CNTNAP2: variants seen among roughly 807,000 people sequenced by gnomAD.
The protein encoded by CNTNAP2 is contactin associated protein 2, also known as contactin-associated protein-like 2.
CNTNAP2 carries 98 observed loss-of-function variants against 155.2 expected under a neutral mutation model. That is an observed-to-expected ratio of 0.63 (90% CI 0.54 to 0.75). The LOEUF (loss-of-function observed/expected upper bound fraction) is 0.75, where lower values mean the gene tolerates loss of function less well. CNTNAP2 is among the 30% of genes least tolerant of loss of function. The probability of loss-of-function intolerance (pLI) is 0.00; values close to 1 mark genes in which losing one functional copy is unlikely to be tolerated. For synonymous variants in CNTNAP2, 651 were observed against 631.2 expected (o/e 1.03, Z -0.47); for missense variants, 1,727 against 1,688.1 (o/e 1.02, Z -0.40).
chr7:147,894,379 A>G (rs530209244), intron 13 of CNTNAP2, among the ~76,000 whole-genome samples: 14 of 152,184 alleles, frequency 9.2e-5, no homozygotes, highest in Non-Finnish European at 1.8e-4. Context: ...TCGCTTAGAA[A>G]AAATCCTGCA....
At chr7:146,258,599 A>G (rs1267044844) in intron 1 of CNTNAP2, among the ~76,000 whole-genome samples, 1 of 152,180 alleles carries the variant, frequency 6.6e-6, no homozygotes, top group African/African-American at 2.4e-5. Flanking sequence ...TGATGGATCA[A>G]ATATAAAGTT....
intron 13 of CNTNAP2, among the ~76,000 whole-genome samples, chr7:147,876,075 C>T (rs983986627): frequency 6.6e-6 from 1 of 152,160 alleles, no homozygotes; most frequent in Non-Finnish European, 1.5e-5. Flanking sequence ...CAAATAAGTT[C>T]CAACTTATAT....
intron 8 of CNTNAP2, among the ~76,000 whole-genome samples, chr7:147,200,291 A>T (rs922953643): frequency 1.3e-5 from 2 of 152,206 alleles, no homozygotes; most frequent in South Asian, 2.1e-4. Context: ...TTACAAACCA[A>T]CAAGCTTGCT....
intron 12 of CNTNAP2, among the ~76,000 whole-genome samples, chr7:147,583,456 C>T (rs967810431): frequency 2.1e-5 from 3 of 146,156 alleles, no homozygotes; most frequent in African/African-American, 7.6e-5. Context: ...TAAAATGGAA[C>T]AAATACCATT....
rs994056391 is a variant in CNTNAP2 at position 146,614,394 on chromosome 7, TA to T, written c.98-159871del. Among the ~76,000 whole-genome samples the T allele has an allele frequency of 5.8e-4, 88 of 152,318 alleles. 1 individual carries two copies. The highest frequency in any genetic ancestry group is 2.2e-3 in the Admixed American group (33 of 15,304). ...ATACTATACATGAATTAGACAAAGT[TA>T]AAAAATTTAGAAAATTTTTCAACCT... On this transcript the variant is annotated intron_variant, in intron 1 of 23. Transcript: ENST00000361727.
At chr7:146,878,111 G>C (rs780719856) in intron 3 of CNTNAP2, among the ~76,000 whole-genome samples, 5 of 152,058 alleles carry the variant, frequency 3.3e-5, no homozygotes, top group Non-Finnish European at 5.9e-5. Context: ...TATGATAGCT[G>C]TATCTTGAAT....
chr7:147,346,464 G>T (rs1274546371), intron 9 of CNTNAP2, among the ~76,000 whole-genome samples: 1 of 152,142 alleles, frequency 6.6e-6, no homozygotes, highest in Non-Finnish European at 1.5e-5. Context: ...CATAATCGAA[G>T]ATTTTAAAGC....
chr7:147,119,079 GT>G (rs1315174693), intron 5 of CNTNAP2, among the ~76,000 whole-genome samples: 2 of 152,170 alleles, frequency 1.3e-5, no homozygotes, highest in Non-Finnish European at 2.9e-5. Context: ...AGACATTTTT[GT>G]TTTTTGTACA....
intron 10 of CNTNAP2, among the ~76,000 whole-genome samples, chr7:147,413,141 A>G (rs35288063): frequency 0.18 from 26,651 of 151,908 alleles, 2,951 homozygotes; most frequent in Non-Finnish European, 0.25. Flanking sequence ...TACTGGAAAT[A>G]GTTTTAAAAT....
intron 20 of CNTNAP2, among the ~76,000 whole-genome samples, chr7:148,244,265 C>T (rs1415268988): frequency 6.6e-6 from 1 of 152,130 alleles, no homozygotes; most frequent in Admixed American, 6.5e-5. Context: ...GGCACAGAGA[C>T]AAGCAAACTT....
At chr7:146,310,950 A>G (rs1800810842) in intron 1 of CNTNAP2, among the ~76,000 whole-genome samples, 3 of 152,212 alleles carry the variant, frequency 2.0e-5, no homozygotes, top group Admixed American at 1.3e-4. Context: ...GACTATTACA[A>G]TATAGCATAA....
chr7:146,640,954 G>A (rs757970198), intron 1 of CNTNAP2, among the ~76,000 whole-genome samples: 21 of 152,136 alleles, frequency 1.4e-4, no homozygotes, highest in Non-Finnish European at 2.8e-4. Context: ...TTGTTAGGGA[G>A]AAAATGCCTA....
At chr7:147,188,572 G>A (rs1490945888) in intron 8 of CNTNAP2, among the ~76,000 whole-genome samples, 1 of 152,164 alleles carries the variant, frequency 6.6e-6, no homozygotes, top group East Asian at 1.9e-4. Flanking sequence ...ATGAAATAAA[G>A]GCTCAGTCTG....
chr7:146,210,714 C>T (rs1315193566), intron 1 of CNTNAP2, among the ~76,000 whole-genome samples: 1 of 152,192 alleles, frequency 6.6e-6, no homozygotes, highest in Non-Finnish European at 1.5e-5. Flanking sequence ...ATTATCCCCA[C>T]TAACCATTGC....
chr7:146,529,473 T>A (rs1797736855), intron 1 of CNTNAP2, among the ~76,000 whole-genome samples: 1 of 152,176 alleles, frequency 6.6e-6, no homozygotes, highest in Admixed American at 6.5e-5. Flanking sequence ...AGCTTTCATC[T>A]GATTCTCAAG....
chr7:147,926,095 T>C (rs932253839), intron 14 of CNTNAP2, among the ~76,000 whole-genome samples: 1 of 152,194 alleles, frequency 6.6e-6, no homozygotes, highest in African/African-American at 2.4e-5. Flanking sequence ...TTTGTTTAAA[T>C]CAGATGTAAA....
At chr7:148,120,136 C>T (rs1804568632) in intron 16 of CNTNAP2, among the ~76,000 whole-genome samples, 1 of 149,618 alleles carries the variant, frequency 6.7e-6, no homozygotes, top group Non-Finnish European at 1.5e-5. Context: ...TGCTTGGATT[C>T]CCCCATCTTT....
intron 1 of CNTNAP2, among the ~76,000 whole-genome samples, chr7:146,481,128 T>TA (rs1473792187): frequency 1.3e-5 from 2 of 152,172 alleles, no homozygotes; most frequent in Admixed American, 6.5e-5. Context: ...TTCCAGCAAG[T>TA]AAAATACATC....
chr7:146,936,616 C>T (rs1247271663), intron 3 of CNTNAP2, among the ~76,000 whole-genome samples: 1 of 152,194 alleles, frequency 6.6e-6, no homozygotes, highest in Non-Finnish European at 1.5e-5. Flanking sequence ...TGTGGATGAA[C>T]CATAACCTAA....
Sources: allele counts gnomAD v4.1 joint callset (sites outside exome capture counted in the v4.1 genomes callset), GRCh38; gene constraint gnomAD v4.1.1; transcripts MANE v1.5; gene names NCBI Gene and HGNC (gene_info 2026-07-23, HGNC 2026-07-21).